Variants in SAA2 observed in about 807,000 individuals in gnomAD.
SAA2 encodes serum amyloid A-2 protein.
SAA2 carries 5 observed loss-of-function variants against 9.1 expected under a neutral mutation model. The ratio of observed to expected loss-of-function variants is 0.55; its 90% CI spans 0.29 to 1.16. The LOEUF (loss-of-function observed/expected upper bound fraction) is 1.16, where lower values mean the gene tolerates loss of function less well. Ranked by LOEUF, SAA2 falls within the 50% of genes most tolerant of loss-of-function variation. The pLI is 0.09. For synonymous variants in SAA2, 49 were observed against 59.8 expected, an observed-to-expected ratio of 0.82 and a Z score of 0.83; for missense variants, 94 against 153.8, an observed-to-expected ratio of 0.61 and a Z score of 2.06.
chr11:18,244,374 C>G (rs1857439807), downstream of SAA2, among the ~76,000 whole-genome samples: 1 of 152,110 alleles, frequency 6.6e-6, no homozygotes. Context: ...TAAGTTACAC[C>G]CTGGGTAGCT....
downstream of SAA2, among the ~76,000 whole-genome samples, chr11:18,244,416 G>C (rs1443408203): frequency 6.6e-6 from 1 of 152,188 alleles, no homozygotes; most frequent in African/African-American, 2.4e-5. Context: ...CCTCAATGGA[G>C]TTCTTATATG....
chr11:18,240,384 C>T (rs74821234), downstream of SAA2: 4,238 of 683,588 alleles, frequency 6.2e-3, 128 homozygotes, highest in African/African-American at 0.067. Context: ...CAGAGAATAG[C>T]CTCTTCCAGC....
At chr11:18,238,806 TCCC>T (rs919363293), downstream of SAA2, among the ~76,000 whole-genome samples, 1 of 142,452 alleles carries the variant, frequency 7.0e-6, no homozygotes, top group Admixed American at 7.2e-5. Flanking sequence ...CTCCCCTCAC[TCCC>T]CCCCTCCCCA....
downstream of SAA2, among the ~76,000 whole-genome samples, chr11:18,243,692 A>G (rs575832759): frequency 2.0e-5 from 3 of 152,292 alleles, no homozygotes; most frequent in East Asian, 5.8e-4. Flanking sequence ...AAATAGTTCT[A>G]CTTTATATCC....
At position 18,245,355 on chromosome 11, in the gene SAA2, G is replaced by A. The variant is rs1459858196; in HGVS notation, c.*22C>T. 1 of 1,613,896 alleles carries A rather than the reference G, an allele frequency of 6.2e-7. No homozygotes were observed. The highest frequency in any genetic ancestry group is 8.5e-7 in the Non-Finnish European group (1 of 1,179,968). On this transcript the variant is annotated 3_prime_UTR_variant, in exon 4 of 4. Transcript: ENST00000256733. ...CGAGGGCCTCATAGCCAGGTCTCCT[G>A]AGAGCAGAGTGAAGAGGAAGCTCAG...
At chr11:18,240,767 C>A (rs1294812830), downstream of SAA2, among the ~76,000 whole-genome samples, 2 of 151,940 alleles carry the variant, frequency 1.3e-5, no homozygotes, top group Non-Finnish European at 2.9e-5. Flanking sequence ...ACAAAAAATT[C>A]TAAAAGAAAA....
downstream of SAA2, chr11:18,242,239 A>C (rs542973564): frequency 1.3e-5 from 2 of 152,446 alleles, no homozygotes; most frequent in East Asian, 3.9e-4. Context: ...AACTCAGGAA[A>C]GTGTAATTCA....
At chr11:18,240,698 T>A (rs1857322500), downstream of SAA2, among the ~76,000 whole-genome samples, 1 of 152,114 alleles carries the variant, frequency 6.6e-6, no homozygotes, top group Non-Finnish European at 1.5e-5. Context: ...AAATTTTATA[T>A]CTCTCATCAT....
At chr11:18,243,998 G>A (rs1857424205), downstream of SAA2, among the ~76,000 whole-genome samples, 1 of 152,166 alleles carries the variant, frequency 6.6e-6, no homozygotes, top group African/African-American at 2.4e-5. Context: ...GTTCTTTTGT[G>A]CTTTGCTTCC....
intron 2 of SAA2, among the ~76,000 whole-genome samples, chr11:18,247,133 C>G (rs1332478959): frequency 3.3e-5 from 5 of 152,184 alleles, no homozygotes; most frequent in Non-Finnish European, 5.9e-5. Flanking sequence ...AGAAGGGATG[C>G]CTGCCTCACA....
At chr11:18,242,778 T>A, downstream of SAA2, 1 of 700,986 alleles carries the variant, frequency 1.4e-6, no homozygotes, top group South Asian at 1.5e-5. Context: ...CCCCGGGAGG[T>A]CGAGGTTGCA....
At chr11:18,245,055 A>T (rs1857460954), downstream of SAA2, among the ~76,000 whole-genome samples, 1 of 152,206 alleles carries the variant, frequency 6.6e-6, no homozygotes, top group Non-Finnish European at 1.5e-5. Flanking sequence ...AAAGGTCTGG[A>T]AAAAAGGAGG....
At chr11:18,245,848 T>C (rs1857503429) in intron 3 of SAA2, 62 bp downstream of exon 3, 2 of 1,589,000 alleles carry the variant, frequency 1.3e-6, no homozygotes, top group African/African-American at 2.7e-5. Context: ...GTCTCCCTCC[T>C]GACTGTCCAA....
At chr11:18,242,433 T>C (rs935154033), downstream of SAA2, 1 of 219,772 alleles carries the variant, frequency 4.6e-6, no homozygotes, top group African/African-American at 2.3e-5. Flanking sequence ...CCAGTTGCAT[T>C]GAGAATAGCA....
exon 4 of SAA2, chr11:18,239,361 T>G (rs1857278766): frequency 4.9e-6 from 1 of 205,632 alleles, no homozygotes; most frequent in Non-Finnish European, 9.7e-6. Context: ...TTGCCCTCAT[T>G]ACTTTTTTTT....
intron 2 of SAA2, 102 bp from the exon 3 acceptor site, chr11:18,246,150 A>G: frequency 2.0e-6 from 3 of 1,487,756 alleles, no homozygotes; most frequent in Non-Finnish European, 2.7e-6. Flanking sequence ...CACTGACTTC[A>G]AGCTTTCAGC....
chr11:18,244,419 C>A (rs1010282951), downstream of SAA2, among the ~76,000 whole-genome samples: 6 of 152,314 alleles, frequency 3.9e-5, no homozygotes, highest in Middle Eastern at 3.4e-3. Context: ...CAATGGAGTT[C>A]TTATATGTCA....
chr11:18,241,119 C>T (rs2134134045), downstream of SAA2, among the ~76,000 whole-genome samples: 1 of 152,266 alleles, frequency 6.6e-6, no homozygotes, highest in East Asian at 1.9e-4. Flanking sequence ...AAATGCTCAA[C>T]ATCACTAATC....
chr11:18,246,412 A>T (rs1857538264), intron 2 of SAA2, among the ~76,000 whole-genome samples: 1 of 152,238 alleles, frequency 6.6e-6, no homozygotes, highest in Non-Finnish European at 1.5e-5. Flanking sequence ...TTGTGACCTG[A>T]GTTCCAGTGA....
Sources: allele counts gnomAD v4.1 joint callset (sites outside exome capture counted in the v4.1 genomes callset), GRCh38; gene constraint gnomAD v4.1.1; transcripts MANE v1.5; gene names NCBI Gene and HGNC (gene_info 2026-07-23, HGNC 2026-07-21).